Variants in TRAK1 observed in about 807,000 individuals in gnomAD.
TRAK1 encodes the protein trafficking kinesin protein 1.
TRAK1 carries 33 observed loss-of-function variants against 92.1 expected under a neutral mutation model. The ratio of observed to expected loss-of-function variants is 0.36; its 90% CI spans 0.27 to 0.48. The LOEUF is 0.48. Among genes scored for constraint, TRAK1 ranks in the 20% least tolerant of loss-of-function variants. The probability of loss-of-function intolerance (pLI) is 0.99; values close to 1 mark genes in which losing one functional copy is unlikely to be tolerated. For synonymous variants in TRAK1, 521 were observed against 517.3 expected (o/e 1.01, Z -0.10); for missense variants, 1,123 against 1,257.9 (o/e 0.89, Z 1.62).
At chr3:42,129,248 C>T (rs925929139) in intron 2 of TRAK1, among the ~76,000 whole-genome samples, 7 of 151,578 alleles carry the variant, frequency 4.6e-5, no homozygotes, top group East Asian at 3.9e-4. Context: ...AGTTTTGAGG[C>T]GTGTGAGAAG....
At chr3:42,213,444 C>T (rs530933250) in intron 14 of TRAK1, among the ~76,000 whole-genome samples, 3 of 152,266 alleles carry the variant, frequency 2.0e-5, no homozygotes, top group African/African-American at 4.8e-5. Flanking sequence ...TCTCCAGCAA[C>T]TGGGCCACCA....
At chr3:42,129,930 C>T (rs1233628589) in intron 2 of TRAK1, among the ~76,000 whole-genome samples, 1 of 152,044 alleles carries the variant, frequency 6.6e-6, no homozygotes, top group Admixed American at 6.6e-5. Flanking sequence ...AGCAAAAACC[C>T]CATCAAAACC....
chr3:42,046,218 G>A (rs1471672657), intron 1 of TRAK1, among the ~76,000 whole-genome samples: 1 of 151,990 alleles, frequency 6.6e-6, no homozygotes, highest in Non-Finnish European at 1.5e-5. Flanking sequence ...ACTTAACATG[G>A]GTAGCAGATT....
chr3:42,204,790 T>C (rs776950162), intron 13 of TRAK1, among the ~76,000 whole-genome samples: 3 of 152,126 alleles, frequency 2.0e-5, no homozygotes, highest in Admixed American at 6.5e-5. Context: ...CTATGTTGCC[T>C]AGGCCGGTCT....
At chr3:42,142,972 G>A (rs977384077) in intron 2 of TRAK1, among the ~76,000 whole-genome samples, 2 of 152,104 alleles carry the variant, frequency 1.3e-5, no homozygotes, top group African/African-American at 2.4e-5. Flanking sequence ...TTGAAACCTG[G>A]TGTTGCAGGT....
chr3:42,107,524 A>T (rs2149050386), intron 1 of TRAK1, among the ~76,000 whole-genome samples: 1 of 152,118 alleles, frequency 6.6e-6, no homozygotes. Context: ...AAAGAAAAAA[A>T]AAAAAAAGAA....
intron 1 of TRAK1, among the ~76,000 whole-genome samples, chr3:42,026,524 CTTTT>C (rs779064338): frequency 1.5e-4 from 20 of 135,044 alleles, no homozygotes; most frequent in African/African-American, 4.4e-4. Context: ...TCAGTGATCT[CTTTT>C]TTTTTTTTTT....
intron 2 of TRAK1, among the ~76,000 whole-genome samples, chr3:42,174,268 G>A (rs1342047534): frequency 1.3e-5 from 2 of 152,124 alleles, no homozygotes; most frequent in Admixed American, 6.6e-5. Flanking sequence ...TTATAAAATA[G>A]CAACACAAGG....
chr3:42,218,416 G>A (rs754424745), intron 14 of TRAK1: 46 of 983,942 alleles, frequency 4.7e-5, no homozygotes, highest in Admixed American at 1.2e-4. Flanking sequence ...GGAGGTCTCT[G>A]GGGGCTGAGC....
At chr3:42,090,864 A>G (rs1003868515), upstream of TRAK1, among the ~76,000 whole-genome samples, 3 of 152,228 alleles carry the variant, frequency 2.0e-5, no homozygotes, top group Non-Finnish European at 4.4e-5. Flanking sequence ...GAGAGTAAAC[A>G]CAGACACTCT....
chr3:42,201,686 T>A (rs1468618128), intron 12 of TRAK1, among the ~76,000 whole-genome samples: 1 of 151,892 alleles, frequency 6.6e-6, no homozygotes, highest in African/African-American at 2.4e-5. Flanking sequence ...TTGTGACCGT[T>A]TTGTAGCTTG....
chr3:42,102,552 C>T (rs1231129029), intron 1 of TRAK1, among the ~76,000 whole-genome samples: 1 of 152,172 alleles, frequency 6.6e-6, no homozygotes, highest in Non-Finnish European at 1.5e-5. Context: ...AGTAGGCACA[C>T]GGACACTCAG....
intron 14 of TRAK1, chr3:42,211,287 T>C: frequency 5.1e-6 from 5 of 985,434 alleles, no homozygotes; most frequent in Non-Finnish European, 6.0e-6. Context: ...GGGATCAACT[T>C]TTCCTTTTTT....
chr3:42,219,614 TG>T lies in TRAK1; in HGVS notation c.2066+22del. The T allele has an allele frequency of 1.5e-6, 1 of 685,668 alleles. No homozygotes were observed. Among genetic ancestry groups the T allele is most frequent in the Non-Finnish European group, 2.5e-6 (1 of 401,826 alleles). 42.5% of individuals were successfully genotyped at this position (685,668 alleles called of 1,614,324 possible). ...ACACCAAGGTAAGGGACCCTGGCTT[TG>T]GGGTGGGCAGGGGTGGGGTGAAGTC... On this transcript the variant is annotated intron_variant, in intron 15 of 15. Coordinates refer to ENST00000327628, the MANE Select transcript of TRAK1 (RefSeq NM_001042646.3).
intron 3 of TRAK1, among the ~76,000 whole-genome samples, chr3:42,178,256 C>A (rs533379176): frequency 2.0e-5 from 3 of 152,206 alleles, no homozygotes; most frequent in South Asian, 4.2e-4. Flanking sequence ...CTGCTTTACT[C>A]TTCCTTGCAG....
At chr3:42,098,085 C>T (rs1439598739) in intron 1 of TRAK1, among the ~76,000 whole-genome samples, 1 of 151,866 alleles carries the variant, frequency 6.6e-6, no homozygotes, top group Non-Finnish European at 1.5e-5. Flanking sequence ...TCTGTTTCCT[C>T]TCCCCTCCCC....
At chr3:42,121,459 C>A (rs1034757949) in intron 1 of TRAK1, among the ~76,000 whole-genome samples, 3 of 151,810 alleles carry the variant, frequency 2.0e-5, no homozygotes, top group South Asian at 2.1e-4. Context: ...CAGGGTTTCA[C>A]CATGTTAGCC....
intron 1 of TRAK1, among the ~76,000 whole-genome samples, chr3:42,106,944 T>C (rs1707649065): frequency 6.6e-6 from 1 of 152,256 alleles, no homozygotes; most frequent in Admixed American, 6.5e-5. Flanking sequence ...AGAGGCACAG[T>C]TGGCATTGTG....
intron 2 of TRAK1, among the ~76,000 whole-genome samples, chr3:42,171,660 A>G (rs1281080451): frequency 6.6e-6 from 1 of 152,100 alleles, no homozygotes; most frequent in African/African-American, 2.4e-5. Flanking sequence ...CAGTGTCAAG[A>G]TAGAAACCCC....
Sources: allele counts gnomAD v4.1 joint callset (sites outside exome capture counted in the v4.1 genomes callset), GRCh38; gene constraint gnomAD v4.1.1; transcripts MANE v1.5; gene names NCBI Gene and HGNC (gene_info 2026-07-23, HGNC 2026-07-21).